The following CC2D2A variants were observed in gnomAD, a reference collection of about 807,000 sequenced individuals.
The protein encoded by CC2D2A is coiled-coil and C2 domain-containing protein 2A.
In CC2D2A, 155 loss-of-function variants were observed where a neutral mutation model predicts 212.9. The ratio of observed to expected loss-of-function variants is 0.73; its 90% confidence interval spans 0.64 to 0.83. The LOEUF is 0.83. Among genes scored for constraint, CC2D2A ranks in the 40% least tolerant of loss-of-function variants. The pLI, the probability that CC2D2A is intolerant of heterozygous loss-of-function variation, is 0.00. For synonymous variants in CC2D2A, 667 were observed against 686.5 expected (o/e 0.97, Z 0.44); for missense variants, 1,856 against 1,956.2 (o/e 0.95, Z 0.97).
intron 29 of CC2D2A, among the ~76,000 whole-genome samples, chr4:15,578,817 T>TTTGTTTG (rs1491417154): frequency 2.4e-5 from 2 of 82,392 alleles, no homozygotes; most frequent in Middle Eastern, 6.2e-3. Flanking sequence ...TGTTTGTTTG[T>TTTGTTTG]TTTTAATAGA....
intron 4 of CC2D2A, among the ~76,000 whole-genome samples, chr4:15,493,220 A>T (rs1282784637): frequency 6.6e-6 from 1 of 151,898 alleles, no homozygotes; most frequent in East Asian, 1.9e-4. Context: ...AGTCACCTGG[A>T]GGCCCTTACC....
chr4:15,594,501 T>C (rs1370012380), intron 33 of CC2D2A, among the ~76,000 whole-genome samples: 1 of 152,028 alleles, frequency 6.6e-6, no homozygotes. Flanking sequence ...CTGGGAGAGC[T>C]CAGCTTCAGG....
chr4:15,570,349 T>C lies in CC2D2A; in HGVS notation c.3496-49T>C, dbSNP rs1416928368. The C allele has an allele frequency of 3.5e-6, 4 of 1,153,962 alleles. No homozygotes were observed. The Admixed American group carries it at 8.6e-5, about 25-fold the overall frequency. The allele number at this position is 1,153,962 out of a possible 1,614,324, so 71.5% of individuals were successfully genotyped here. The stretch of plus-strand genomic sequence containing the variant: ...CTTTCCTGCTGCCAGATTAATTAAA[T>C]GAGTTTCTGGAGTTCTTAAGCAATT... On this transcript the variant is annotated intron_variant, in intron 27 of 36. Coordinates refer to ENST00000424120, the MANE Select transcript of CC2D2A (RefSeq NM_001378615.1).
chr4:15,480,082 C>CA (rs1298467246), intron 3 of CC2D2A, among the ~76,000 whole-genome samples: 1 of 152,188 alleles, frequency 6.6e-6, no homozygotes, highest in Admixed American at 6.5e-5. Flanking sequence ...TACAGTGACT[C>CA]AAACATTGTA....
At chr4:15,595,153 G>T (rs1476285887) in intron 33 of CC2D2A, among the ~76,000 whole-genome samples, 3 of 151,958 alleles carry the variant, frequency 2.0e-5, no homozygotes, top group African/African-American at 7.3e-5. Flanking sequence ...ACTCTGTAAG[G>T]GTAGAAAATC....
At chr4:15,516,487 T>A (rs1483936509) in intron 10 of CC2D2A, 138 bp from the exon 11 acceptor site, 2 of 753,152 alleles carry the variant, frequency 2.7e-6, no homozygotes, top group South Asian at 2.9e-5. Flanking sequence ...GAAACAGAAC[T>A]TTTACAGTTC....
At chr4:15,548,858 T>G (rs1718848916) in intron 17 of CC2D2A, among the ~76,000 whole-genome samples, 1 of 152,170 alleles carries the variant, frequency 6.6e-6, no homozygotes, top group Non-Finnish European at 1.5e-5. Flanking sequence ...GGGTCACTTA[T>G]AAATTAATAG....
chr4:15,553,211 T>G lies in CC2D2A; in HGVS notation c.2392T>G (p.Ser798Ala). The change falls in exon 19 of 37, where the codon TCA becomes GCA. Residue 798 changes from serine (S) to alanine (A), a missense_variant. Coordinates refer to ENST00000424120, the MANE Select transcript of CC2D2A (RefSeq NM_001378615.1). ...CAGTAACCAGCTGACTCTGATGACC[T>G]CAGGGAAAGTGTCTCATAGTGTGGC... ...DGSNQLTLMT[S>A]GKVSHSVAWA... 6.2e-7 allele frequency: 1 copy of G among 1,611,932 alleles called. No homozygotes were observed. The highest frequency in any genetic ancestry group is 8.5e-7 in the Non-Finnish European group (1 of 1,179,176).
At chr4:15,589,794 TATATACACAC>T in intron 33 of CC2D2A, 115 bp downstream of exon 33, 9 of 289,780 alleles carry the variant, frequency 3.1e-5, no homozygotes, top group South Asian at 1.7e-4. Flanking sequence ...AATATATATA[TATATACACAC>T]ATATATATAT....
chr4:15,470,689 C>CTCTATA (rs1713728306), intron 1 of CC2D2A, among the ~76,000 whole-genome samples: 3 of 50,670 alleles, frequency 5.9e-5, no homozygotes, highest in African/African-American at 9.2e-5. Context: ...CTCTCTCTCT[C>CTCTATA]TATATATATA....
Position 15,571,497 on chromosome 4 carries a change from C to T in CC2D2A, c.3594+1001C>T, listed in dbSNP as rs79646953. Among the ~76,000 whole-genome samples, 1,298 of 152,014 alleles carry T rather than the reference C, an allele frequency of 8.5e-3. 11 individuals are homozygous for T. The highest frequency in any genetic ancestry group is 0.013 in the Non-Finnish European group (872 of 67,988). The stretch of plus-strand genomic sequence containing the variant: ...AAATGCTGTCTGGACCACAGACTCT[C>T]CATTAAAACCAAGACCAATGGTGTG... On this transcript the variant is annotated intron_variant, in intron 28 of 36. Transcript: ENST00000424120.
Position 15,478,738 on chromosome 4 carries a change from G to C in CC2D2A, c.55G>C (p.Asp19His), listed in dbSNP as rs755345164. Residue 19 changes from aspartate to histidine, a missense_variant, in exon 3 of 37, where the codon GAT becomes CAT. This residue lies in a region of CC2D2A where 1,512 missense variants were observed against 1,579.3 expected (regional missense o/e 0.96). Transcript: ENST00000424120. ...TTTCACAAAGGAGTTCATTGAAAAT[G>C]ATGAGGATGCAGACATGGGAAGACA... Reference protein sequence around the residue: ...KIITEEFIENDEDADMGRQNK... With the variant: ...KIITEEFIENHEDADMGRQNK... 3.9e-6 allele frequency: 6 copies of C among 1,554,444 alleles called. No homozygotes were observed. Among genetic ancestry groups the C allele is most frequent in the Non-Finnish European group, 5.2e-6 (6 of 1,148,556 alleles).
At chr4:15,531,241 G>A (rs4698396) in intron 13 of CC2D2A, among the ~76,000 whole-genome samples, 8,166 of 152,164 alleles carry the variant, frequency 0.054, 486 homozygotes, top group East Asian at 0.21. Flanking sequence ...CCTCCACCTG[G>A]GAAAGTGGAA....
chr4:15,504,883 G>C (rs911655609), intron 6 of CC2D2A, among the ~76,000 whole-genome samples: 25 of 152,088 alleles, frequency 1.6e-4, no homozygotes, highest in Admixed American at 1.4e-3. Flanking sequence ...TCAATATACT[G>C]TTCATCAAAA....
Position 15,478,412 on chromosome 4 carries a change from C to A in CC2D2A, c.40-311C>A, listed in dbSNP as rs571718294. Among the ~76,000 whole-genome samples, 5 of 152,332 alleles carry A rather than the reference C, an allele frequency of 3.3e-5. No homozygotes were observed. In the East Asian group the frequency reaches 9.6e-4, roughly 29 times the overall value. Reference sequence around the variant, plus strand: ...AGCAGACAGCATGTGGCTTTCAATTCTGTGTCCCAAGAGCATGGAACATAG... The same window carrying A: ...AGCAGACAGCATGTGGCTTTCAATTATGTGTCCCAAGAGCATGGAACATAG... On this transcript the variant is annotated intron_variant, in intron 2 of 36. Transcript: ENST00000424120.
Position 15,597,470 on chromosome 4 carries a change from CAT to C in CC2D2A, c.4496+7_4496+8del. 6.5e-7 allele frequency: 1 copy of C among 1,550,160 alleles called. No individual in the cohort carries two copies. The highest frequency in any genetic ancestry group is 8.7e-7 in the Non-Finnish European group (1 of 1,144,954). On this transcript the variant is annotated splice_donor_region_variant and intron_variant, in intron 35 of 36. Transcript: ENST00000424120. ...TGCAGCTGAGCTACAAGACAGGTAA[CAT>C]AACATCCATAAATCCACATGTAATC...
At chr4:15,496,426 G>T (rs1188353771) in intron 4 of CC2D2A, among the ~76,000 whole-genome samples, 1 of 152,042 alleles carries the variant, frequency 6.6e-6, no homozygotes, top group African/African-American at 2.4e-5. Context: ...AAAGGAAAGA[G>T]TCTTCTGCAC....
intron 4 of CC2D2A, among the ~76,000 whole-genome samples, chr4:15,483,462 C>T (rs530983042): frequency 3.3e-5 from 5 of 152,270 alleles, no homozygotes; most frequent in Admixed American, 2.0e-4. Context: ...ATAGAAATCA[C>T]CTATCAGTCC....
intron 8 of CC2D2A, among the ~76,000 whole-genome samples, chr4:15,514,155 T>C (rs745473374): frequency 1.3e-5 from 2 of 152,226 alleles, no homozygotes; most frequent in Non-Finnish European, 2.9e-5. Flanking sequence ...ACAAAGTGCT[T>C]AGAGGTAAAC....
Sources: allele counts gnomAD v4.1 joint callset (sites outside exome capture counted in the v4.1 genomes callset), GRCh38; gene constraint gnomAD v4.1.1; regional missense constraint gnomAD v4.1.1; transcripts MANE v1.5; gene names NCBI Gene and HGNC (gene_info 2026-07-23, HGNC 2026-07-21).